CCDC102B: variants seen among roughly 807,000 people sequenced by gnomAD.
CCDC102B encodes coiled-coil domain-containing protein 102B.
In CCDC102B, 75 loss-of-function variants were observed where a neutral mutation model predicts 57.4. That is an observed-to-expected ratio of 1.31 (90% confidence interval 1.08 to 1.58). The LOEUF (loss-of-function observed/expected upper bound fraction) is 1.58. Among genes scored for constraint, CCDC102B ranks in the 40% most tolerant of loss-of-function variants. The pLI, the probability that CCDC102B is intolerant of heterozygous loss-of-function variation, is 0.00. For missense variants in CCDC102B, 636 were observed against 582.6 expected (o/e 1.09, Z -0.94); for synonymous variants, 206 against 201.9 (o/e 1.02, Z -0.17).
At chr18:68,919,149 T>G (rs1249062961) in intron 6 of CCDC102B, among the ~76,000 whole-genome samples, 1 of 151,962 alleles carries the variant, frequency 6.6e-6, no homozygotes, top group African/African-American at 2.4e-5. Flanking sequence ...TATTATATTA[T>G]TATTTATTAA....
intron 2 of CCDC102B, among the ~76,000 whole-genome samples, chr18:68,738,784 C>T (rs901398232): frequency 7.2e-5 from 11 of 152,122 alleles, no homozygotes; most frequent in African/African-American, 2.7e-4. Context: ...CACTTTGTTC[C>T]CACTCCATGC....
chr18:68,890,203 C>T (rs1055916349), intron 5 of CCDC102B, among the ~76,000 whole-genome samples: 8 of 151,592 alleles, frequency 5.3e-5, no homozygotes, highest in East Asian at 1.9e-4. Flanking sequence ...GTTTAATGCA[C>T]GGATATTGAA....
intron 2 of CCDC102B, among the ~76,000 whole-genome samples, chr18:68,759,548 A>G (rs537230967): frequency 6.6e-6 from 1 of 152,260 alleles, no homozygotes; most frequent in South Asian, 2.1e-4. Flanking sequence ...GGGGGCCAGA[A>G]GACAATGGAA....
At chr18:68,845,064 C>A (rs8083902) in intron 3 of CCDC102B, among the ~76,000 whole-genome samples, 44,065 of 151,552 alleles carry the variant, frequency 0.29, 6,823 homozygotes, top group Non-Finnish European at 0.34. Flanking sequence ...CTAACTAATT[C>A]TTTTATATCC....
chr18:68,930,362 C>T (rs1215379004), intron 6 of CCDC102B, among the ~76,000 whole-genome samples: 3 of 150,890 alleles, frequency 2.0e-5, no homozygotes, highest in Admixed American at 6.6e-5. Context: ...CTTGGGATAC[C>T]GGCAAAGGAA....
chr18:68,826,801 AT>A (rs1189846661), intron 1 of CCDC102B, among the ~76,000 whole-genome samples: 3 of 152,180 alleles, frequency 2.0e-5, no homozygotes, highest in African/African-American at 4.8e-5. Flanking sequence ...CTCTCTTTTT[AT>A]TGGCATTTAT....
At position 68,949,179 on chromosome 18, in the gene CCDC102B, C is replaced by A. The variant is rs2049625434; in HGVS notation, c.1263+51751C>A. 2.6e-5 allele frequency among the ~76,000 whole-genome samples: 4 copies of A among 152,264 alleles called. No individual in the cohort carries two copies. The South Asian group carries it at 8.3e-4, about 32-fold the overall frequency. On this transcript the variant is annotated intron_variant, in intron 6 of 7. Transcript: ENST00000360242. ...GGGTGGGTCTGCCTTTCCCAACCCA[C>A]TGACTCAAATGCTAGTCTCTTTTGG...
intron 2 of CCDC102B, among the ~76,000 whole-genome samples, chr18:68,765,347 AAGAAAG>A (rs1463743657): frequency 6.9e-6 from 1 of 144,620 alleles, no homozygotes; most frequent in Non-Finnish European, 1.5e-5. Context: ...GAAAGAAAGA[AAGAAAG>A]AAAGAAAGAA....
At chr18:68,962,067 G>A (rs981559967) in intron 6 of CCDC102B, among the ~76,000 whole-genome samples, 19 of 152,060 alleles carry the variant, frequency 1.2e-4, no homozygotes, top group African/African-American at 4.6e-4. Flanking sequence ...CCAAAAAGCA[G>A]CCAAATTGGT....
chr18:68,800,250 ATGT>A lies in CCDC102B; in HGVS notation c.-16+2073_-16+2075del, dbSNP rs543163325. Among the ~76,000 whole-genome samples the A allele has an allele frequency of 2.7e-3, 404 of 152,236 alleles. 4 individuals are homozygous for A. The highest frequency in any genetic ancestry group is 9.4e-3 in the African/African-American group (391 of 41,558). On this transcript the variant is annotated intron_variant, in intron 1 of 7. Coordinates refer to ENST00000360242, the MANE Select transcript of CCDC102B (RefSeq NM_024781.3). ...TTCTGGCTCCAGAGCTATTTCCACG[ATGT>A]TGTGCTGGTATTCTAGGAATGTGAA... is the stretch of plus-strand genomic sequence containing the variant.
At chr18:68,744,259 T>C (rs1207396122) in intron 2 of CCDC102B, among the ~76,000 whole-genome samples, 1 of 152,240 alleles carries the variant, frequency 6.6e-6, no homozygotes, top group Non-Finnish European at 1.5e-5. Context: ...GTGGCAGACT[T>C]GTCTTGGAAC....
At chr18:68,816,897 G>A (rs933907220) in intron 1 of CCDC102B, among the ~76,000 whole-genome samples, 5 of 152,148 alleles carry the variant, frequency 3.3e-5, no homozygotes, top group African/African-American at 9.7e-5. Context: ...CTGCCTTAGT[G>A]TACAACAGAA....
intron 6 of CCDC102B, among the ~76,000 whole-genome samples, chr18:68,910,122 G>A (rs189948373): frequency 2.7e-4 from 41 of 152,196 alleles, no homozygotes; most frequent in African/African-American, 9.6e-4. Context: ...GTGAAACACC[G>A]TGTCTACTAA....
At chr18:68,838,298 T>C in intron 2 of CCDC102B, 1 of 608,602 alleles carries the variant, frequency 1.6e-6, no homozygotes, top group Non-Finnish European at 2.1e-6. Context: ...TCCTGAAAAT[T>C]CTATCTTGTC....
rs1363325904 is a variant in CCDC102B at position 68,765,373 on chromosome 18, G to GA, written c.-67+48782dup. ...AGAAAGAAAGAAAGAAAGAAAGAAAGAAAGAAAAGAAAGAAAGAAAAGAAA... is the reference window on the plus strand; with the variant it reads ...AGAAAGAAAGAAAGAAAGAAAGAAAGAAAAGAAAAGAAAGAAAGAAAAGAAA... On this transcript the variant is annotated intron_variant, in intron 2 of 3. Coordinates refer to the CCDC102B transcript ENST00000578970. Among the ~76,000 whole-genome samples the GA allele has an allele frequency of 3.9e-3, 471 of 119,666 alleles. 1 individual carries two copies. Among genetic ancestry groups the GA allele is most frequent in the African/African-American group, 0.013 (413 of 31,212 alleles). 78.5% of individuals were successfully genotyped at this position (119,666 alleles called of 152,430 possible).
chr18:68,918,099 A>T (rs1310697694), intron 6 of CCDC102B, among the ~76,000 whole-genome samples: 1 of 152,164 alleles, frequency 6.6e-6, no homozygotes, highest in African/African-American at 2.4e-5. Context: ...TTAATCCAAG[A>T]GGGTAAAGAC....
rs572200398 is a variant in CCDC102B, at chr18:68,814,309, G to C, written c.-16+16128G>C. On this transcript the variant is annotated intron_variant, in intron 1 of 7. Coordinates refer to ENST00000360242, the MANE Select transcript of CCDC102B (RefSeq NM_024781.3). Reference sequence around the variant, plus strand: ...TCTAGGCTTTTTTTCTTAATTACAGGCTTTGAGCACTGTTAGCCAGAAATA... The same window carrying C: ...TCTAGGCTTTTTTTCTTAATTACAGCCTTTGAGCACTGTTAGCCAGAAATA... Among the ~76,000 whole-genome samples the C allele has an allele frequency of 2.0e-5, 3 of 152,054 alleles. No homozygotes were observed. The South Asian group carries it at 6.2e-4, about 32-fold the overall frequency.
rs137938852 is a variant in CCDC102B, at chr18:69,042,307, T to C, written c.1435-11723T>C. Among the ~76,000 whole-genome samples the C allele has an allele frequency of 5.9e-5, 9 of 152,100 alleles. No individual in the cohort carries two copies. In the East Asian group the frequency reaches 7.8e-4, roughly 13 times the overall value. On this transcript the variant is annotated intron_variant, in intron 7 of 7. Coordinates refer to ENST00000360242, the MANE Select transcript of CCDC102B (RefSeq NM_024781.3). ...ATGAAAAACTTTAAAGAAAGCAAAA[T>C]TTAAGGGATAACTTCAGATTTCTAA...
chr18:68,876,096 G>C (rs1399538215), intron 5 of CCDC102B, among the ~76,000 whole-genome samples: 1 of 152,124 alleles, frequency 6.6e-6, no homozygotes, highest in Non-Finnish European at 1.5e-5. Flanking sequence ...TTGACCCTCA[G>C]CTCTGAGAAG....
Sources: allele counts gnomAD v4.1 joint callset (sites outside exome capture counted in the v4.1 genomes callset), GRCh38; gene constraint gnomAD v4.1.1; transcripts MANE v1.5; gene names NCBI Gene and HGNC (gene_info 2026-07-23, HGNC 2026-07-21).